MAP4K4: variants seen among roughly 807,000 people sequenced by gnomAD.
MAP4K4 encodes mitogen-activated protein kinase kinase kinase kinase 4.
A neutral mutation model predicts 189.6 loss-of-function variants in MAP4K4; 38 were observed. The observed-to-expected ratio is 0.20, with a 90% CI of 0.15 to 0.26. MAP4K4 has a LOEUF of 0.26. MAP4K4 is among the 10% of genes least tolerant of loss of function. The probability of loss-of-function intolerance (pLI) is 1.00; values close to 1 mark genes in which losing one functional copy is unlikely to be tolerated. For synonymous variants in MAP4K4, 610 were observed against 624.3 expected, an observed-to-expected ratio of 0.98 and a Z score of 0.34; for missense variants, 1,054 against 1,726.9, an observed-to-expected ratio of 0.61 and a Z score of 6.91.
rs182597736 is a variant in MAP4K4, at chr2:101,769,284, C to T, written c.124-21436C>T. ...TTCAGCTCGTTTTCATGAATATTTA[C>T]CATTAGCCGGTTCTAGATCTGTAAT... is the stretch of plus-strand genomic sequence containing the variant. On this transcript the variant is annotated intron_variant, in intron 2 of 32. Transcript: ENST00000324219. Among the ~76,000 whole-genome samples the T allele has an allele frequency of 3.5e-3, 532 of 152,162 alleles. 2 individuals are homozygous for T. The highest frequency in any genetic ancestry group is 0.012 in the African/African-American group (517 of 41,496).
intron 2 of MAP4K4, among the ~76,000 whole-genome samples, chr2:101,723,436 C>T (rs570989213): frequency 6.6e-6 from 1 of 152,278 alleles, no homozygotes; most frequent in East Asian, 1.9e-4. Context: ...TTTGGATAAG[C>T]AGAGACGGTA....
chr2:101,809,353 T>G (rs914034099), intron 3 of MAP4K4, among the ~76,000 whole-genome samples: 3 of 87,946 alleles, frequency 3.4e-5, no homozygotes, highest in African/African-American at 8.8e-5. Flanking sequence ...TATTCTTAGT[T>G]TTTTTTTTTG....
At chr2:101,815,697 C>T (rs980763926) in intron 3 of MAP4K4, among the ~76,000 whole-genome samples, 18 of 152,122 alleles carry the variant, frequency 1.2e-4, no homozygotes, top group Admixed American at 1.0e-3. Context: ...TTAGATCCTT[C>T]GAAGATTTGA....
rs1575225180 is a variant in MAP4K4 at position 101,769,706 on chromosome 2, C to A, written c.124-21014C>A. ...TCAAGTAATTCTCCTGCCTCAGCCT[C>A]CTGAGTAGCTGGGATTACAGGTGCC... On this transcript the variant is annotated intron_variant, in intron 2 of 32. Transcript: ENST00000324219. Among the ~76,000 whole-genome samples, 6 of 152,184 alleles carry A rather than the reference C, an allele frequency of 3.9e-5. No individual in the cohort carries two copies. The South Asian group carries it at 1.2e-3, about 32-fold the overall frequency.
chr2:101,699,525 T>C (rs978299616), intron 2 of MAP4K4, among the ~76,000 whole-genome samples: 12 of 152,202 alleles, frequency 7.9e-5, no homozygotes, highest in African/African-American at 2.7e-4. Flanking sequence ...TCTGTTAGAG[T>C]CGGTACAAGG....
intron 2 of MAP4K4, among the ~76,000 whole-genome samples, chr2:101,731,354 G>A (rs2058402223): frequency 6.6e-6 from 1 of 151,908 alleles, no homozygotes; most frequent in Non-Finnish European, 1.5e-5. Context: ...TGACCTAGGT[G>A]ATCCGCCTGC....
At chr2:101,727,580 G>C (rs972709704) in intron 2 of MAP4K4, among the ~76,000 whole-genome samples, 2 of 152,188 alleles carry the variant, frequency 1.3e-5, no homozygotes, top group Non-Finnish European at 2.9e-5. Context: ...ATTTTGGGGG[G>C]AAGTATATAC....
chr2:101,767,483 T>G (rs1226195802), intron 2 of MAP4K4, among the ~76,000 whole-genome samples: 1 of 152,246 alleles, frequency 6.6e-6, no homozygotes, highest in African/African-American at 2.4e-5. Context: ...ACAAAGACTC[T>G]TCCTTCTGTA....
At chr2:101,701,035 A>G in intron 2 of MAP4K4, among the ~76,000 whole-genome samples, 1 of 152,210 alleles carries the variant, frequency 6.6e-6, no homozygotes, top group East Asian at 1.9e-4. Context: ...ATCCTTTAGG[A>G]TGAATAGCAT....
intron 2 of MAP4K4, among the ~76,000 whole-genome samples, chr2:101,741,457 C>T (rs185006709): frequency 1.3e-5 from 2 of 152,180 alleles, no homozygotes; most frequent in South Asian, 2.1e-4. Context: ...CGTGAACCAC[C>T]GCACCCGGCC....
intron 2 of MAP4K4, among the ~76,000 whole-genome samples, chr2:101,753,586 T>C (rs1206429823): frequency 1.3e-5 from 2 of 152,112 alleles, no homozygotes; most frequent in Non-Finnish European, 2.9e-5. Flanking sequence ...CAGTGAGATA[T>C]GGATTTCAGC....
intron 6 of MAP4K4, 171 bp downstream of exon 6, chr2:101,829,765 C>T (rs749044640): frequency 9.0e-6 from 5 of 552,756 alleles, no homozygotes; most frequent in Non-Finnish European, 1.7e-5. Flanking sequence ...TCCAGCCTCC[C>T]CACTTCCATG....
chr2:101,785,344 T>A (rs1349764350), intron 2 of MAP4K4, among the ~76,000 whole-genome samples: 1 of 152,194 alleles, frequency 6.6e-6, no homozygotes, highest in Non-Finnish European at 1.5e-5. Flanking sequence ...GTGGCACCAT[T>A]TAATAGCAAG....
At chr2:101,746,000 G>GTT (rs766476202) in intron 2 of MAP4K4, among the ~76,000 whole-genome samples, 12 of 147,946 alleles carry the variant, frequency 8.1e-5, no homozygotes, top group African/African-American at 2.9e-4. Context: ...GTGTGTGTGT[G>GTT]TGTGTGTTTT....
At chr2:101,792,444 G>A (rs2093034976) in intron 3 of MAP4K4, among the ~76,000 whole-genome samples, 1 of 152,142 alleles carries the variant, frequency 6.6e-6, no homozygotes, top group Admixed American at 6.5e-5. Flanking sequence ...GAATCTAAAT[G>A]TGGTTTGCCT....
At chr2:101,776,931 A>G (rs1327896552) in intron 2 of MAP4K4, among the ~76,000 whole-genome samples, 1 of 152,190 alleles carries the variant, frequency 6.6e-6, no homozygotes, top group South Asian at 2.1e-4. Context: ...TAAATTAAAA[A>G]TATATATTTT....
intron 3 of MAP4K4, among the ~76,000 whole-genome samples, chr2:101,819,974 G>A (rs2095944290): frequency 6.6e-6 from 1 of 152,166 alleles, no homozygotes; most frequent in Admixed American, 6.5e-5. Context: ...CAATTCGGGA[G>A]TTTTCACACC....
intron 26 of MAP4K4, among the ~76,000 whole-genome samples, chr2:101,876,064 C>G (rs914607299): frequency 6.6e-6 from 1 of 152,168 alleles, no homozygotes; most frequent in Non-Finnish European, 1.5e-5. Context: ...AAAGGAGGGA[C>G]AGAGAAGGGG....
At chr2:101,727,512 T>C (rs921047671) in intron 2 of MAP4K4, among the ~76,000 whole-genome samples, 1 of 152,260 alleles carries the variant, frequency 6.6e-6, no homozygotes. Flanking sequence ...AAAATGGTTT[T>C]TGTCCAACAT....
Sources: gnomAD v4.1 joint callset for allele counts (sites outside exome capture counted in the v4.1 genomes callset) on GRCh38, gnomAD v4.1.1 for gene constraint, MANE v1.5 for transcripts, NCBI Gene and HGNC (gene_info 2026-07-23, HGNC 2026-07-21) for gene names.